CORO1C: variants seen among roughly 807,000 people sequenced by gnomAD.
The protein encoded by CORO1C is coronin-1C.
A neutral mutation model predicts 51.2 loss-of-function variants in CORO1C; 14 were observed. The observed-to-expected ratio is 0.27, with a 90% confidence interval of 0.18 to 0.43. CORO1C has a LOEUF of 0.43. Ranked by LOEUF, CORO1C falls within the 20% of genes least tolerant of loss-of-function variation. CORO1C has a pLI of 1.00. For missense variants in CORO1C, 417 were observed against 607.8 expected (o/e 0.69, Z 3.30); for synonymous variants, 181 against 210.5 (o/e 0.86, Z 1.21).
chr12:108,684,115 A>G (rs912318390), intron 2 of CORO1C, among the ~76,000 whole-genome samples: 2 of 152,136 alleles, frequency 1.3e-5, no homozygotes, highest in Non-Finnish European at 2.9e-5. Context: ...TCAACAACCA[A>G]ACAGAACGAT....
intron 8 of CORO1C, 27 bp from the exon 9 acceptor site, chr12:108,649,047 T>G: frequency 6.2e-7 from 1 of 1,611,920 alleles, no homozygotes; most frequent in South Asian, 1.1e-5. Context: ...AAGGCAAAGT[T>G]GCATTAAGTG....
chr12:108,676,880 G>T (rs1056914838), intron 3 of CORO1C, among the ~76,000 whole-genome samples: 1 of 151,926 alleles, frequency 6.6e-6, no homozygotes, highest in African/African-American at 2.4e-5. Context: ...ACATTAAACA[G>T]AACAATTCCC....
intron 1 of CORO1C, among the ~76,000 whole-genome samples, chr12:108,717,042 T>A (rs541115614): frequency 6.6e-5 from 10 of 152,330 alleles, no homozygotes; most frequent in African/African-American, 2.2e-4. Flanking sequence ...AACATTAGCA[T>A]GCCGCTGTGG....
intron 3 of CORO1C, among the ~76,000 whole-genome samples, chr12:108,674,534 C>T (rs569201349): frequency 1.4e-5 from 2 of 141,048 alleles, no homozygotes; most frequent in East Asian, 2.2e-4. Context: ...GGCGACAGAG[C>T]GAGACTCCGT....
chr12:108,705,749 C>G (rs2035010830), intron 1 of CORO1C, among the ~76,000 whole-genome samples: 1 of 152,036 alleles, frequency 6.6e-6, no homozygotes, highest in South Asian at 2.1e-4. Context: ...TCAAGCAACA[C>G]AGAAAAAGAA....
intron 1 of CORO1C, among the ~76,000 whole-genome samples, chr12:108,704,158 G>A (rs563276710): frequency 6.6e-6 from 1 of 152,156 alleles, no homozygotes; most frequent in East Asian, 1.9e-4. Context: ...AAATCTTCTG[G>A]CTGACATACA....
chr12:108,650,803 G>C (rs1308901447), intron 8 of CORO1C, among the ~76,000 whole-genome samples: 1 of 152,152 alleles, frequency 6.6e-6, no homozygotes, highest in African/African-American at 2.4e-5. Flanking sequence ...CAACAAATGT[G>C]TTTCAAAATA....
intron 3 of CORO1C, among the ~76,000 whole-genome samples, chr12:108,676,498 G>A (rs1047647987): frequency 6.6e-6 from 1 of 152,108 alleles, no homozygotes; most frequent in African/African-American, 2.4e-5. Context: ...AGAGTTAGGC[G>A]CAGTGGCTCG....
At chr12:108,667,702 A>G (rs761699752) in intron 3 of CORO1C, among the ~76,000 whole-genome samples, 1 of 152,118 alleles carries the variant, frequency 6.6e-6, no homozygotes, top group Non-Finnish European at 1.5e-5. Flanking sequence ...CATCTATATA[A>G]CCAAAAAAAT....
At chr12:108,715,417 T>C (rs565289400) in intron 1 of CORO1C, among the ~76,000 whole-genome samples, 24 of 152,236 alleles carry the variant, frequency 1.6e-4, no homozygotes, top group African/African-American at 5.5e-4. Context: ...TTCGAAATCA[T>C]CTCTAGCTCT....
At chr12:108,719,799 T>C (rs1239013635) in intron 1 of CORO1C, among the ~76,000 whole-genome samples, 3 of 152,236 alleles carry the variant, frequency 2.0e-5, no homozygotes, top group Non-Finnish European at 4.4e-5. Context: ...TAAATCCCCT[T>C]GACAGAAATT....
At chr12:108,730,539 A>G (rs527326863) in intron 1 of CORO1C, 3 of 152,356 alleles carry the variant, frequency 2.0e-5, no homozygotes, top group African/African-American at 7.2e-5. Flanking sequence ...ATCCTCAGTC[A>G]TTTCGGCGCA....
At chr12:108,730,630 T>G (rs1211155388) in intron 1 of CORO1C, 1 of 152,616 alleles carries the variant, frequency 6.6e-6, no homozygotes, top group African/African-American at 2.4e-5. Flanking sequence ...CACCTCTGAA[T>G]CACCCAGTTC....
chr12:108,659,454 A>T (rs1053789627), intron 4 of CORO1C, among the ~76,000 whole-genome samples: 4 of 152,246 alleles, frequency 2.6e-5, no homozygotes. Flanking sequence ...AGGAAAAAAA[A>T]TCACTTTTAA....
intron 2 of CORO1C, among the ~76,000 whole-genome samples, chr12:108,681,774 G>A (rs929487388): frequency 6.6e-6 from 1 of 152,042 alleles, no homozygotes; most frequent in African/African-American, 2.4e-5. Context: ...CTCATTTCAG[G>A]AAAAGAAAGT....
intron 3 of CORO1C, among the ~76,000 whole-genome samples, chr12:108,667,157 C>T (rs959087101): frequency 2.0e-5 from 3 of 151,568 alleles, no homozygotes; most frequent in Middle Eastern, 3.5e-3. Context: ...ATATATATTT[C>T]TAGGTCTGAA....
rs2033068902 is a variant in CORO1C at position 108,657,298 on chromosome 12, G to A, written c.750+6C>T. ...AAAGCAAGTGGAAAGCCTGGGGAGG[G>A]CGTACCGGATTCCAGAGAGCCAGCT... On this transcript the variant is annotated splice_donor_region_variant and intron_variant, in intron 6 of 10. Transcript: ENST00000261401. The A allele has an allele frequency of 1.2e-6, 2 of 1,613,296 alleles. No homozygotes were observed. The highest frequency in any genetic ancestry group is 8.5e-7 in the Non-Finnish European group (1 of 1,179,566).
intron 4 of CORO1C, among the ~76,000 whole-genome samples, chr12:108,659,477 G>C (rs566863275): frequency 7.0e-4 from 107 of 152,336 alleles, no homozygotes; most frequent in African/African-American, 2.5e-3. Context: ...CCACCACTCA[G>C]AGAGAAGATC....
At chr12:108,687,291 T>A (rs115731161) in intron 2 of CORO1C, among the ~76,000 whole-genome samples, 14 of 152,228 alleles carry the variant, frequency 9.2e-5, no homozygotes, top group African/African-American at 3.4e-4. Context: ...AAATTCAACA[T>A]AAATCTTAAG....
Sources: allele counts gnomAD v4.1 joint callset (sites outside exome capture counted in the v4.1 genomes callset), GRCh38; gene constraint gnomAD v4.1.1; transcripts MANE v1.5; gene names NCBI Gene and HGNC (gene_info 2026-07-23, HGNC 2026-07-21).